LHX4: variants seen among roughly 807,000 people sequenced by gnomAD.
LHX4 encodes the protein LIM/homeobox protein Lhx4.
A neutral mutation model predicts 39.2 loss-of-function variants in LHX4; 16 were observed. The ratio of observed to expected loss-of-function variants is 0.41; its 90% confidence interval spans 0.28 to 0.62. The LOEUF (loss-of-function observed/expected upper bound fraction) is 0.62. Among genes scored for constraint, LHX4 ranks in the 20% least tolerant of loss-of-function variants. The probability of loss-of-function intolerance (pLI) is 0.33; values close to 1 mark genes in which losing one functional copy is unlikely to be tolerated. For missense variants in LHX4, 439 were observed against 511.9 expected, an observed-to-expected ratio of 0.86 and a Z score of 1.37; for synonymous variants, 206 against 198.1, an observed-to-expected ratio of 1.04 and a Z score of -0.33.
At position 180,243,386 on chromosome 1, in the gene LHX4, C is replaced by T. The variant is rs1362059491; in HGVS notation, c.77-4899C>T. Among the ~76,000 whole-genome samples the T allele has an allele frequency of 3.9e-5, 6 of 151,974 alleles. No homozygotes were observed. In the East Asian group the frequency reaches 1.2e-3, roughly 29 times the overall value. ...CCTCCTCCCTCAGGAGGAGGAGATCCGGTTCATGCACCAGAACTTTATTCC... is the reference window on the plus strand; with the variant it reads ...CCTCCTCCCTCAGGAGGAGGAGATCTGGTTCATGCACCAGAACTTTATTCC... On this transcript the variant is annotated intron_variant, in intron 1 of 5. Transcript: ENST00000263726.
At chr1:180,256,757 C>T (rs942642324) in intron 2 of LHX4, among the ~76,000 whole-genome samples, 6 of 152,148 alleles carry the variant, frequency 3.9e-5, no homozygotes, top group African/African-American at 1.2e-4. Flanking sequence ...ACCCCCGATG[C>T]GTCTCCCGCT....
chr1:180,258,215 AG>A (rs1647950712), intron 2 of LHX4, among the ~76,000 whole-genome samples: 1 of 152,024 alleles, frequency 6.6e-6, no homozygotes, highest in Admixed American at 6.6e-5. Context: ...GGAAGTGCTG[AG>A]GGGGAGGGGT....
chr1:180,252,156 C>T (rs1647652904), intron 2 of LHX4, among the ~76,000 whole-genome samples: 1 of 152,184 alleles, frequency 6.6e-6, no homozygotes, highest in South Asian at 2.1e-4. Flanking sequence ...GCAGCCTGCT[C>T]CTCATCCCAT....
rs1263771452 is a variant in LHX4 at position 180,249,955 on chromosome 1, A to AGAGTGT, written c.248+1506_248+1511dup. The stretch of plus-strand genomic sequence containing the variant: ...TGTGGGTGAGTGTTGTGTGAGTGTG[A>AGAGTGT]GAGTGTGAGTGTTGTGTGTGAGTGT... On this transcript the variant is annotated intron_variant, in intron 2 of 5. Coordinates refer to ENST00000263726, the MANE Select transcript of LHX4 (RefSeq NM_033343.4). 6.5e-4 allele frequency among the ~76,000 whole-genome samples: 99 copies of AGAGTGT among 151,276 alleles called. No homozygotes were observed. In the Middle Eastern group the frequency reaches 0.01, roughly 16 times the overall value.
At chr1:180,270,885 T>C (rs1177134638) in intron 3 of LHX4, 2 of 208,534 alleles carry the variant, frequency 9.6e-6, no homozygotes, top group Admixed American at 1.1e-4. Flanking sequence ...AGCTCACCCC[T>C]GGCTGTGAGC....
In LHX4 at chr1:180,274,563, A is replaced by G. The variant is rs1370629414; in HGVS notation, c.1157A>G (p.Asp386Gly). Reference protein sequence around the residue: ...TSPGSWLDEMDHPPF With the variant: ...TSPGSWLDEMGHPPF ...CCAGGCTCTTGGCTCGATGAAATGGATCATCCTCCTTTTTAAACTTCTCTC... is the reference window on the plus strand; with the variant it reads ...CCAGGCTCTTGGCTCGATGAAATGGGTCATCCTCCTTTTTAAACTTCTCTC... The change falls in exon 6 of 6, where the codon GAT becomes GGT. Residue 386 changes from aspartate to glycine, a missense_variant. Physicochemically the swap from Asp to Gly is moderately conservative, Grantham distance 94. Transcript: ENST00000263726. 1.3e-6 allele frequency: 2 copies of G among 1,581,748 alleles called. No individual in the cohort carries two copies. Among genetic ancestry groups the G allele is most frequent in the Admixed American group, 1.7e-5 (1 of 58,976 alleles).
chr1:180,246,027 G>A (rs1369427590), intron 1 of LHX4, among the ~76,000 whole-genome samples: 1 of 152,088 alleles, frequency 6.6e-6, no homozygotes, highest in Non-Finnish European at 1.5e-5. Flanking sequence ...AAAGAATCCT[G>A]TATGTACTGG....
chr1:180,255,735 C>T (rs1054703106), intron 2 of LHX4, among the ~76,000 whole-genome samples: 8 of 152,378 alleles, frequency 5.3e-5, no homozygotes, highest in African/African-American at 7.2e-5. Context: ...ATTGTCTGCC[C>T]GCCCCAGAGC....
At chr1:180,264,412 C>CACAG (rs1491284802) in intron 2 of LHX4, among the ~76,000 whole-genome samples, 1 of 144,070 alleles carries the variant, frequency 6.9e-6, no homozygotes, top group African/African-American at 2.6e-5. Context: ...CACACACACA[C>CACAG]AGTAGAGGTG....
rs1649145979 is a variant in LHX4 at position 180,278,076 on chromosome 1, T to TATAC, written c.*3497_*3498insATAC. 1 of 152,200 alleles carries TATAC rather than the reference T, an allele frequency of 6.6e-6. No homozygotes were observed. Among genetic ancestry groups the TATAC allele is most frequent in the African/African-American group, 2.4e-5 (1 of 41,450 alleles). The allele number at this position is 152,200 out of a possible 1,614,324, so 9.4% of individuals were successfully genotyped here. On this transcript the variant is annotated 3_prime_UTR_variant, in exon 6 of 6. Transcript: ENST00000263726. ...CTTCTGATGAGCAAAGGCTGTGTGT[T>TATAC]GTATGACAGTCCACTCTCTGCACCT...
chr1:180,239,080 A>C (rs1289535284), intron 1 of LHX4, among the ~76,000 whole-genome samples: 3 of 152,234 alleles, frequency 2.0e-5, no homozygotes, highest in Non-Finnish European at 4.4e-5. Context: ...AGTTAATTTA[A>C]TTTTAATGTA....
chr1:180,260,665 G>GTGT lies in LHX4; in HGVS notation c.249-5724_249-5722dup, dbSNP rs1409523207. Among the ~76,000 whole-genome samples, 28 of 151,812 alleles carry GTGT rather than the reference G, an allele frequency of 1.8e-4. 2 individuals carry two copies. Among genetic ancestry groups the GTGT allele is most frequent in the African/African-American group, 6.3e-4 (26 of 41,094 alleles). ...AAGGTGGACAGCGGGCCAATTACATGTGTTGGGGTTAACACACTGGGGGGT... is the reference window on the plus strand; with the variant it reads ...AAGGTGGACAGCGGGCCAATTACATGTGTTGTTGGGGTTAACACACTGGGGGGT... On this transcript the variant is annotated intron_variant, in intron 2 of 5. Coordinates refer to ENST00000263726, the MANE Select transcript of LHX4 (RefSeq NM_033343.4).
At chr1:180,257,493 C>CT (rs1647906654) in intron 2 of LHX4, among the ~76,000 whole-genome samples, 1 of 152,102 alleles carries the variant, frequency 6.6e-6, no homozygotes, top group South Asian at 2.1e-4. Context: ...ATAGGACCCC[C>CT]GTCTGTGTCT....
At chr1:180,264,705 GAAC>G (rs1441574606) in intron 2 of LHX4, among the ~76,000 whole-genome samples, 3 of 152,166 alleles carry the variant, frequency 2.0e-5, no homozygotes, top group Admixed American at 1.3e-4. Context: ...GCACAATTTT[GAAC>G]AACTTAGCAG....
At chr1:180,256,466 C>T (rs1182870011) in intron 2 of LHX4, among the ~76,000 whole-genome samples, 1 of 152,224 alleles carries the variant, frequency 6.6e-6, no homozygotes, top group Non-Finnish European at 1.5e-5. Context: ...GTGGATGAGA[C>T]AGCAGGTCAG....
chr1:180,265,892 C>T (rs1342554211), intron 2 of LHX4, among the ~76,000 whole-genome samples: 6 of 152,180 alleles, frequency 3.9e-5, no homozygotes, highest in Non-Finnish European at 4.4e-5. Flanking sequence ...TTCTCTGCAG[C>T]GTGCTGTCCC....
Position 180,264,024 on chromosome 1 carries a change from C to T in LHX4, c.249-2368C>T, listed in dbSNP as rs538312017. Among the ~76,000 whole-genome samples, 32 of 152,226 alleles carry T rather than the reference C, an allele frequency of 2.1e-4. 1 individual carries two copies. Among genetic ancestry groups the T allele is most frequent in the South Asian group, 2.1e-4 (1 of 4,818 alleles). On this transcript the variant is annotated intron_variant, in intron 2 of 5. Coordinates refer to ENST00000263726, the MANE Select transcript of LHX4 (RefSeq NM_033343.4). ...TGTTGCCCAGGCTGGAGTGCAGTGG[C>T]GTGATCTTGGCTCACTGTAGCCTCA...
chr1:180,228,677 T>C (rs1664081878), upstream of LHX4, among the ~76,000 whole-genome samples: 1 of 152,184 alleles, frequency 6.6e-6, no homozygotes. Flanking sequence ...GAAGAGATGA[T>C]GCCAACCCAG....
At chr1:180,254,993 G>C (rs887940934) in intron 2 of LHX4, among the ~76,000 whole-genome samples, 7 of 152,206 alleles carry the variant, frequency 4.6e-5, no homozygotes, top group Non-Finnish European at 1.0e-4. Context: ...GTGGTCAGGG[G>C]ATTGAACAAA....
Sources: gnomAD v4.1 joint callset for allele counts (sites outside exome capture counted in the v4.1 genomes callset) on GRCh38, gnomAD v4.1.1 for gene constraint, MANE v1.5 for transcripts, NCBI Gene and HGNC (gene_info 2026-07-23, HGNC 2026-07-21) for gene names.